The following FBN3 variants were observed in gnomAD, a reference collection of about 807,000 sequenced individuals.
The protein encoded by FBN3 is fibrillin-3.
In FBN3, 234 loss-of-function variants were observed where a neutral mutation model predicts 330.1. The observed-to-expected ratio is 0.71, with a 90% CI of 0.64 to 0.79. The LOEUF is 0.79. FBN3 is among the 30% of genes least tolerant of loss of function. The pLI is 0.00. For synonymous variants in FBN3, 1,458 were observed against 1,517.3 expected, an observed-to-expected ratio of 0.96 and a Z score of 0.91; for missense variants, 3,606 against 3,886.9, an observed-to-expected ratio of 0.93 and a Z score of 1.92.
chr19:8,115,870 C>T (rs773109082), intron 29 of FBN3, among the ~76,000 whole-genome samples: 6 of 151,818 alleles, frequency 4.0e-5, no homozygotes, highest in Non-Finnish European at 7.4e-5. Context: ...CCAAGGAACA[C>T]ACCAGGAATG....
chr19:8,139,040 C>T (rs994232527), intron 8 of FBN3, among the ~76,000 whole-genome samples: 3 of 151,418 alleles, frequency 2.0e-5, no homozygotes, highest in East Asian at 2.0e-4. Context: ...GGCAACAGAG[C>T]GAGACTCCGT....
In FBN3 at chr19:8,096,016, G is replaced by A. The variant is rs1315013832; in HGVS notation, c.5604C>T (p.Tyr1868=). The A allele has an allele frequency of 6.2e-7, 1 of 1,613,986 alleles. No individual in the cohort carries two copies. Among genetic ancestry groups the A allele is most frequent in the Non-Finnish European group, 8.5e-7 (1 of 1,179,972 alleles). ...CAAAGCCAGGGAAGCAGAGGCAGTT[G>A]TAGGAGCCAATGATGTTCTTGCAGG... ...NGTCKNIIGS[Y]NCLCFPGFVV... The change falls in exon 45 of 64, where the codon TAC becomes TAT. Residue 1868 remains tyrosine (Y), a synonymous_variant. Transcript: ENST00000600128. The surrounding 1 kb of genome is among the most constrained non-coding windows in gnomAD (Gnocchi z 4.6).
intron 41 of FBN3, among the ~76,000 whole-genome samples, chr19:8,097,789 A>G (rs1221055574): frequency 6.6e-6 from 1 of 152,274 alleles, no homozygotes; most frequent in Non-Finnish European, 1.5e-5. Flanking sequence ...TGTCTGTACC[A>G]TGGAATATTC....
intron 6 of FBN3, among the ~76,000 whole-genome samples, chr19:8,143,995 G>A (rs560977396): frequency 1.3e-4 from 20 of 149,592 alleles, no homozygotes; most frequent in Middle Eastern, 3.4e-3. Context: ...TTTTAGAGAG[G>A]GGGGGTGTCT....
intron 13 of FBN3, among the ~76,000 whole-genome samples, chr19:8,135,621 G>C (rs928179415): frequency 6.6e-6 from 1 of 150,818 alleles, no homozygotes; most frequent in East Asian, 2.0e-4. Flanking sequence ...GCAGGGGCAC[G>C]ATCACAGCTC....
At position 8,065,802 on chromosome 19, in the gene FBN3, C is replaced by T. The variant is rs1225328754; in HGVS notation, c.*117G>A. 3.3e-6 allele frequency: 3 copies of T among 905,526 alleles called. No homozygotes were observed. The highest frequency in any genetic ancestry group is 2.9e-5 in the Admixed American group (1 of 34,458). The allele number at this position is 905,526 out of a possible 1,614,324, so 56.1% of individuals were successfully genotyped here. The stretch of plus-strand genomic sequence containing the variant: ...TGCCTGAGGTTGTCGTGTAGCATTT[C>T]ACTCTTCCTGAGTTTCGGGGTTCAA... On this transcript the variant is annotated 3_prime_UTR_variant, in exon 64 of 64. Coordinates refer to ENST00000600128, the MANE Select transcript of FBN3 (RefSeq NM_032447.5).
At chr19:8,128,963 C>T (rs1017720223) in intron 18 of FBN3, 65 bp downstream of exon 18, 1 of 1,553,810 alleles carries the variant, frequency 6.4e-7, no homozygotes, top group African/African-American at 1.4e-5. Flanking sequence ...CGTGCACACG[C>T]CACATGCCAA....
intron 62 of FBN3, 83 bp from the exon 63 acceptor site, chr19:8,072,281 C>T (rs1287131652): frequency 1.1e-5 from 15 of 1,383,246 alleles, no homozygotes; most frequent in East Asian, 4.8e-5. Flanking sequence ...CCCCATACTC[C>T]GTTCTGAGTC....
chr19:8,133,096 C>A lies in FBN3; in HGVS notation c.1602G>T (p.Glu534Asp), dbSNP rs796753804. The A allele has an allele frequency of 2.5e-6, 4 of 1,576,688 alleles. No homozygotes were observed. In the African/African-American group the frequency reaches 5.4e-5, roughly 21 times the overall value. The change falls in exon 14 of 64, where the codon GAG becomes GAT. Residue 534 changes from glutamate to aspartate, a missense_variant. Coordinates refer to ENST00000600128, the MANE Select transcript of FBN3 (RefSeq NM_032447.5). ...PDGKNCVDHN[E>D]CATSTMCVNG... ...TGACGCACATGGTGCTGGTGGCACA[C>A]TCGTTGTGGTCTGGGGACAACAGCA...
chr19:8,135,935 T>TGA, intron 13 of FBN3, 26 bp downstream of exon 13: 20 of 1,344,122 alleles, frequency 1.5e-5, no homozygotes, highest in South Asian at 5.2e-5. Flanking sequence ...CGGAAGCCCC[T>TGA]GCCCACCCGC....
chr19:8,133,453 C>T (rs1467173523), intron 13 of FBN3, among the ~76,000 whole-genome samples: 1 of 150,862 alleles, frequency 6.6e-6, no homozygotes, highest in Admixed American at 6.6e-5. Flanking sequence ...TAAAAGACAA[C>T]AATTTTTTTT....
In FBN3 at chr19:8,131,240, C is replaced by T. The variant is rs1568441394; in HGVS notation, c.2039G>A (p.Gly680Asp). 1 of 1,609,628 alleles carries T rather than the reference C, an allele frequency of 6.2e-7. No individual in the cohort carries two copies. The highest frequency in any genetic ancestry group is 1.7e-4 in the Middle Eastern group (1 of 6,032). The change falls in exon 16 of 64, where the codon GGT (glycine) becomes GAT (aspartate). Residue 680 changes from glycine (G) to aspartate (D), a missense_variant. Gly to Asp is a moderately conservative substitution (Grantham distance 94). Transcript: ENST00000600128. The surrounding 1 kb of genome is among the most constrained non-coding windows in gnomAD (Gnocchi z 4.5). Reference sequence around the variant, plus strand: ...AGGGGCTGGGCTCCACTTACCTCGACCATCCGTGGTAATGCCAAGCCCACT... The same window carrying T: ...AGGGGCTGGGCTCCACTTACCTCGATCATCCGTGGTAATGCCAAGCCCACT... ...CSSGLGITTD[G>D]RDINECALDP...
Position 8,121,884 on chromosome 19 carries a change from G to T in FBN3, c.3083-498C>A, listed in dbSNP as rs2082861295. Among the ~76,000 whole-genome samples, 1 of 152,010 alleles carries T rather than the reference G, an allele frequency of 6.6e-6. No homozygotes were observed. The highest frequency in any genetic ancestry group is 2.1e-4 in the South Asian group (1 of 4,820). On this transcript the variant is annotated intron_variant, in intron 24 of 63. Coordinates refer to ENST00000600128, the MANE Select transcript of FBN3 (RefSeq NM_032447.5). This position sits in a 1 kb window ranked among gnomAD's most constrained non-coding sequence, Gnocchi z 4.5. The stretch of plus-strand genomic sequence containing the variant: ...CCTGCCTCAGCCTCCCGAGTAGCTG[G>T]GATTACAGGTGTGTGCCACCATGCC...
intron 56 of FBN3, among the ~76,000 whole-genome samples, chr19:8,083,855 T>A (rs1416542035): frequency 7.0e-6 from 1 of 143,142 alleles, no homozygotes; most frequent in South Asian, 2.2e-4. Context: ...CAGGCTGGAG[T>A]GCAGTGACAC....
At position 8,095,434 on chromosome 19, in the gene FBN3, G is replaced by A; in HGVS notation, c.5726C>T (p.Ser1909Phe). 1 of 1,613,660 alleles carries A rather than the reference G, an allele frequency of 6.2e-7. No individual in the cohort carries two copies. The highest frequency in any genetic ancestry group is 8.5e-7 in the Non-Finnish European group (1 of 1,179,726). ...RFGHCLNTAG[S>F]FHCLCQDGFE... The stretch of plus-strand genomic sequence containing the variant: ...GCCATCCTGGCAGAGGCAGTGGAAG[G>A]AACCAGCTGTGTTGAGGCAATGGCC... The change falls in exon 46 of 64, where the codon TCC (serine) becomes TTC (phenylalanine). Residue 1909 changes from serine to phenylalanine, a missense_variant. Transcript: ENST00000600128.
rs549362275 is a variant in FBN3 at position 8,076,112 on chromosome 19, G to T, written c.7454-701C>A. On this transcript the variant is annotated intron_variant, in intron 59 of 63. Transcript: ENST00000600128. ...GTGAGGACACAGCAAAAAGGTGGCT[G>T]TCTGCAAACCAAGAAGAGAGCCCTC... 1.2e-3 allele frequency among the ~76,000 whole-genome samples: 178 copies of T among 152,262 alleles called. 1 individual carries two copies. The highest frequency in any genetic ancestry group is 4.0e-3 in the African/African-American group (167 of 41,546).
chr19:8,067,257 C>T (rs2081414082), intron 63 of FBN3, among the ~76,000 whole-genome samples: 1 of 151,778 alleles, frequency 6.6e-6, no homozygotes, highest in Non-Finnish European at 1.5e-5. Flanking sequence ...TCCCAAGTAG[C>T]TGGAATTACA....
chr19:8,131,110 C>T lies in FBN3; in HGVS notation c.2044+125G>A. ...AGAGAATCAGCTTCTGTTGTTGAAG[C>T]CGTCTGGTCTGGGGCACTTTGTTAC... On this transcript the variant is annotated intron_variant, in intron 16 of 63. Transcript: ENST00000600128. The surrounding 1 kb of genome is among the most constrained non-coding windows in gnomAD (Gnocchi z 4.5). 1 of 787,352 alleles carries T rather than the reference C, an allele frequency of 1.3e-6. No homozygotes were observed. Among genetic ancestry groups the T allele is most frequent in the South Asian group, 1.8e-5 (1 of 54,704 alleles). The allele number at this position is 787,352 out of a possible 1,614,324, so 48.8% of individuals were successfully genotyped here.
At chr19:8,139,682 C>T (rs1216309157) in intron 8 of FBN3, among the ~76,000 whole-genome samples, 1 of 151,994 alleles carries the variant, frequency 6.6e-6, no homozygotes, top group African/African-American at 2.4e-5. Context: ...GGCAGACAGG[C>T]TCCCCAGGTA....
Sources: gnomAD v4.1 joint callset for allele counts (sites outside exome capture counted in the v4.1 genomes callset) on GRCh38, gnomAD v4.1.1 for gene constraint, Gnocchi (gnomAD v3.1) non-coding constraint, MANE v1.5 for transcripts, NCBI Gene and HGNC (gene_info 2026-07-23, HGNC 2026-07-21) for gene names.